THADA: variants seen among roughly 807,000 people sequenced by gnomAD.
The protein encoded by THADA is tRNA (32-2'-O)-methyltransferase regulator THADA.
A neutral mutation model predicts 219.8 loss-of-function variants in THADA; 213 were observed. The observed-to-expected ratio is 0.97, with a 90% confidence interval of 0.87 to 1.09. THADA has a LOEUF of 1.09. THADA is among the 50% of genes least tolerant of loss of function. The pLI is 0.00. For missense variants in THADA, 2,956 were observed against 2,311.3 expected (o/e 1.28, Z -5.72); for synonymous variants, 1,018 against 828.9 (o/e 1.23, Z -3.92).
intron 19 of THADA, among the ~76,000 whole-genome samples, chr2:43,550,508 T>G (rs893848852): frequency 6.6e-6 from 1 of 152,150 alleles, no homozygotes; most frequent in African/African-American, 2.4e-5. Context: ...AGGGGAGACT[T>G]TCCTCATGCA....
At chr2:43,527,853 C>A (rs1491508) in intron 22 of THADA, 26 bp downstream of exon 22, 3 of 1,496,374 alleles carry the variant, frequency 2.0e-6, no homozygotes, top group Non-Finnish European at 2.8e-6. Context: ...CTTTTTAAAA[C>A]GTACACAAAA....
chr2:43,562,291 C>G (rs1343493181), intron 15 of THADA: 2 of 152,188 alleles, frequency 1.3e-5, no homozygotes, highest in African/African-American at 4.8e-5. Flanking sequence ...GTCGCCCAGG[C>G]TGGAGTACAA....
At chr2:43,524,513 T>C (rs944962021) in intron 22 of THADA, among the ~76,000 whole-genome samples, 4 of 152,250 alleles carry the variant, frequency 2.6e-5, no homozygotes, top group African/African-American at 9.6e-5. Context: ...AGATTTCTTT[T>C]TGCAAACTTT....
intron 29 of THADA, among the ~76,000 whole-genome samples, chr2:43,390,517 T>A (rs910479465): frequency 2.6e-5 from 4 of 152,242 alleles, no homozygotes; most frequent in Non-Finnish European, 4.4e-5. Flanking sequence ...CAATGACGAC[T>A]ATTCTGACAT....
rs770274336 is a variant in THADA at position 43,552,174 on chromosome 2, G to C, written c.2810+30C>G. 10 of 1,591,966 alleles carry C rather than the reference G, an allele frequency of 6.3e-6. No homozygotes were observed. The South Asian group carries it at 1.2e-4, about 18-fold the overall frequency. On this transcript the variant is annotated intron_variant, in intron 18 of 37. Transcript: ENST00000405975. ...AAAGCTCAGAAATGAATGGATTTCT[G>C]AGACAGGAGGCAGCTGTGGAAATCC...
At chr2:43,577,317 A>C in intron 9 of THADA, 75 bp from the exon 10 acceptor site, 2 of 1,174,808 alleles carry the variant, frequency 1.7e-6, no homozygotes, top group East Asian at 2.6e-5. Flanking sequence ...TACAAACCCA[A>C]ACATCTCTTT....
intron 10 of THADA, 94 bp downstream of exon 10, chr2:43,576,928 G>T: frequency 9.0e-7 from 1 of 1,115,856 alleles, no homozygotes; most frequent in Non-Finnish European, 1.3e-6. Flanking sequence ...AGGGTAGCTG[G>T]GATTAGAGGC....
At chr2:43,295,909 AC>A (rs1304192009) in intron 31 of THADA, among the ~76,000 whole-genome samples, 1 of 148,708 alleles carries the variant, frequency 6.7e-6, no homozygotes, top group Non-Finnish European at 1.5e-5. Context: ...CTGCAGACAA[AC>A]CTCTACTGTT....
intron 35 of THADA, among the ~76,000 whole-genome samples, chr2:43,281,156 G>C (rs532588896): frequency 1.7e-4 from 26 of 152,160 alleles, no homozygotes; most frequent in Non-Finnish European, 3.4e-4. Context: ...TGGAGAACCT[G>C]GTTTCAGAGT....
At chr2:43,235,908 G>A (rs1399765006) in intron 36 of THADA, among the ~76,000 whole-genome samples, 1 of 151,794 alleles carries the variant, frequency 6.6e-6, no homozygotes, top group Non-Finnish European at 1.5e-5. Context: ...CCGGGTTCAT[G>A]CCATTCTCCT....
In THADA at chr2:43,304,673, A is replaced by ATT. The variant is rs11387621; in HGVS notation, c.4439-11462_4439-11461dup. 6.6e-3 allele frequency among the ~76,000 whole-genome samples: 930 copies of ATT among 140,396 alleles called. 22 individuals carry two copies. Among genetic ancestry groups the ATT allele is most frequent in the African/African-American group, 0.023 (876 of 37,964 alleles). The allele number at this position is 140,396 out of a possible 152,430, so 92.1% of individuals were successfully genotyped here. A position where few individuals can be genotyped will look rare whatever the true frequency, so the allele number is the denominator to read the frequency against. ...GACGAAAAAATACAGAGCAGACTTC[A>ATT]TTTTTTTTTTTTTTTTGTGATGGAG... On this transcript the variant is annotated intron_variant, in intron 31 of 37. Coordinates refer to ENST00000405975, the MANE Select transcript of THADA (RefSeq NM_022065.5).
chr2:43,282,617 C>T lies in THADA; in HGVS notation c.5165-2721G>A, dbSNP rs554289176. Among the ~76,000 whole-genome samples, 13 of 152,206 alleles carry T rather than the reference C, an allele frequency of 8.5e-5. No homozygotes were observed. The South Asian group carries it at 1.2e-3, about 15-fold the overall frequency. On this transcript the variant is annotated intron_variant, in intron 35 of 37. Coordinates refer to ENST00000405975, the MANE Select transcript of THADA (RefSeq NM_022065.5). Reference sequence around the variant, plus strand: ...AGAAGAGAATCATAGCATGTTAATACGGGATTAAACATGGCAGGAGAGGGC... The same window carrying T: ...AGAAGAGAATCATAGCATGTTAATATGGGATTAAACATGGCAGGAGAGGGC...
intron 22 of THADA, among the ~76,000 whole-genome samples, chr2:43,514,473 A>C (rs1574022985): frequency 7.2e-6 from 1 of 138,882 alleles, no homozygotes; most frequent in South Asian, 2.1e-4. Context: ...TATAATATAT[A>C]ATATATATAA....
chr2:43,525,654 T>A (rs1487818724), intron 22 of THADA, among the ~76,000 whole-genome samples: 1 of 152,204 alleles, frequency 6.6e-6, no homozygotes, highest in Non-Finnish European at 1.5e-5. Context: ...GACCAGTTCA[T>A]CTGCCAGCTG....
At chr2:43,372,793 A>G (rs1300076653) in intron 29 of THADA, among the ~76,000 whole-genome samples, 1 of 152,198 alleles carries the variant, frequency 6.6e-6, no homozygotes, top group African/African-American at 2.4e-5. Flanking sequence ...TCTGTCACTT[A>G]GGCTACAGTG....
chr2:43,326,040 T>A (rs954206764), intron 30 of THADA, among the ~76,000 whole-genome samples: 7 of 152,142 alleles, frequency 4.6e-5, no homozygotes, highest in African/African-American at 1.7e-4. Context: ...TTTTGGCAAT[T>A]TATATCTTAC....
At chr2:43,480,585 G>A (rs1420529240) in intron 26 of THADA, among the ~76,000 whole-genome samples, 1 of 152,076 alleles carries the variant, frequency 6.6e-6, no homozygotes, top group Admixed American at 6.5e-5. Context: ...GCTGAGGCAG[G>A]CGATCACAAG....
At chr2:43,582,496 T>TAA (rs564311180) in intron 7 of THADA, among the ~76,000 whole-genome samples, 18,671 of 127,816 alleles carry the variant, frequency 0.15, 1,827 homozygotes, top group African/African-American at 0.27. Context: ...GACACCATCT[T>TAA]AAAAAAAAAA....
intron 28 of THADA, among the ~76,000 whole-genome samples, chr2:43,406,907 A>G (rs999002315): frequency 6.6e-6 from 1 of 152,190 alleles, no homozygotes. Context: ...AGAATGAATG[A>G]AAGAGTTGCA....
Sources: allele counts gnomAD v4.1 joint callset (sites outside exome capture counted in the v4.1 genomes callset), GRCh38; gene constraint gnomAD v4.1.1; transcripts MANE v1.5; gene names NCBI Gene and HGNC (gene_info 2026-07-23, HGNC 2026-07-21).